The following BCL11B variants were observed in gnomAD, a reference collection of about 807,000 sequenced individuals.
BCL11B encodes the protein B-cell lymphoma/leukemia 11B.
In BCL11B, 8 loss-of-function variants were observed where a neutral mutation model predicts 49.9. That is an observed-to-expected ratio of 0.16 (90% CI 0.09 to 0.29). The LOEUF is 0.29. Ranked by LOEUF, BCL11B falls within the 10% of genes least tolerant of loss-of-function variation. BCL11B has a pLI of 1.00. For synonymous variants in BCL11B, 739 were observed against 637.4 expected, an observed-to-expected ratio of 1.16 and a Z score of -2.40; for missense variants, 1,006 against 1,351.0, an observed-to-expected ratio of 0.74 and a Z score of 4.00.
chr14:99,190,184 A>G (rs1348005443), intron 3 of BCL11B, among the ~76,000 whole-genome samples: 1 of 150,822 alleles, frequency 6.6e-6, no homozygotes, highest in Non-Finnish European at 1.5e-5. Flanking sequence ...GTTACAGCAT[A>G]TGTCTTTAAA....
chr14:99,235,732 T>C (rs1888477994), intron 2 of BCL11B, among the ~76,000 whole-genome samples: 1 of 151,870 alleles, frequency 6.6e-6, no homozygotes, highest in Non-Finnish European at 1.5e-5. Context: ...GAGGTGGCGC[T>C]GGTGGACGCT....
At chr14:99,201,585 T>C (rs759198766) in intron 3 of BCL11B, among the ~76,000 whole-genome samples, 8 of 152,156 alleles carry the variant, frequency 5.3e-5, no homozygotes, top group Non-Finnish European at 1.2e-4. Flanking sequence ...TGGCCCTGTG[T>C]TCACCCTGTT....
At position 99,220,944 on chromosome 14, in the gene BCL11B, G is replaced by A. The variant is rs578209076; in HGVS notation, c.640+10401C>T. ...CGGCTCACTGCAACCTCCACCTCCC[G>A]GGTTCAAGCGATTCTCCTGCCTCAG... On this transcript the variant is annotated intron_variant, in intron 3 of 3. Transcript: ENST00000357195. 3.9e-5 allele frequency among the ~76,000 whole-genome samples: 6 copies of A among 152,090 alleles called. No individual in the cohort carries two copies. The South Asian group carries it at 8.3e-4, about 21-fold the overall frequency.
chr14:99,199,683 TGCGCGC>T lies in BCL11B; in HGVS notation c.641-23494_641-23489del, dbSNP rs1555378683. On this transcript the variant is annotated intron_variant, in intron 3 of 3. Coordinates refer to ENST00000357195, the MANE Select transcript of BCL11B (RefSeq NM_138576.4). ...GTGTGTGTGTGTGTGTGTGTGTGTG[TGCGCGC>T]GCGCGCGCACGTGCACGTGTGTGCG... Among the ~76,000 whole-genome samples the T allele has an allele frequency of 8.1e-5, 6 of 73,742 alleles. No homozygotes were observed. The East Asian group carries it at 1.3e-3, about 15-fold the overall frequency. 48.4% of individuals were successfully genotyped at this position (73,742 alleles called of 152,430 possible).
At chr14:99,264,334 G>A (rs1889421004) in intron 1 of BCL11B, 1 of 151,682 alleles carries the variant, frequency 6.6e-6, no homozygotes, top group Non-Finnish European at 1.5e-5. Context: ...CATTTCTGAG[G>A]CACATGTTAA....
rs931674817 is a variant in BCL11B at position 99,242,302 on chromosome 14, C to A, written c.428-10745G>T. ...TGATCTTGTCCCCCTGCTTCCCTAC[C>A]TTTTCTCGCAAACCATGTGGGCTGG... On this transcript the variant is annotated intron_variant, in intron 2 of 3. Coordinates refer to ENST00000357195, the MANE Select transcript of BCL11B (RefSeq NM_138576.4). This position sits in a 1 kb window ranked among gnomAD's most constrained non-coding sequence, Gnocchi z 4.4. Among the ~76,000 whole-genome samples, 2 of 152,172 alleles carry A rather than the reference C, an allele frequency of 1.3e-5. No individual in the cohort carries two copies. Among genetic ancestry groups the A allele is most frequent in the Admixed American group, 6.5e-5 (1 of 15,282 alleles).
In BCL11B at chr14:99,179,473, T is replaced by TAA. The variant is rs35703913; in HGVS notation, c.641-3280_641-3279dup. ...TGGGCGACAGAATGAGAATCCATCTTAAAAAAAAAAAAAAAAAAAAAAAAA... is the reference window on the plus strand; with the variant it reads ...TGGGCGACAGAATGAGAATCCATCTTAAAAAAAAAAAAAAAAAAAAAAAAAAA... On this transcript the variant is annotated intron_variant, in intron 3 of 3. Transcript: ENST00000357195. Among the ~76,000 whole-genome samples, 360 of 54,550 alleles carry TAA rather than the reference T, an allele frequency of 6.6e-3. 18 individuals are homozygous for TAA. The highest frequency in any genetic ancestry group is 0.034 in the Middle Eastern group (2 of 58). The allele number at this position is 54,550 out of a possible 152,430, so 35.8% of individuals were successfully genotyped here.
intron 2 of BCL11B, among the ~76,000 whole-genome samples, chr14:99,255,189 G>C (rs781603209): frequency 9.9e-5 from 15 of 152,158 alleles, no homozygotes; most frequent in Non-Finnish European, 1.9e-4. Flanking sequence ...GTCGTCTTCA[G>C]CTGACACAGC....
At chr14:99,191,462 AG>A (rs535882845) in intron 3 of BCL11B, among the ~76,000 whole-genome samples, 9 of 152,056 alleles carry the variant, frequency 5.9e-5, no homozygotes, top group Admixed American at 3.9e-4. Context: ...TGGGAAAGGG[AG>A]AAAGAGGTGG....
At chr14:99,252,364 G>A (rs1184961957) in intron 2 of BCL11B, among the ~76,000 whole-genome samples, 2 of 152,188 alleles carry the variant, frequency 1.3e-5, no homozygotes, top group African/African-American at 4.8e-5. Flanking sequence ...GCACAAGCAA[G>A]TTATTTAGTT....
At chr14:99,251,864 C>T (rs1889018325) in intron 2 of BCL11B, among the ~76,000 whole-genome samples, 1 of 152,224 alleles carries the variant, frequency 6.6e-6, no homozygotes, top group Admixed American at 6.5e-5. Flanking sequence ...CCAAAATCCT[C>T]CACACCCCTT....
chr14:99,177,113 G>A (rs1427207034), intron 3 of BCL11B, among the ~76,000 whole-genome samples: 2 of 151,938 alleles, frequency 1.3e-5, no homozygotes, highest in African/African-American at 2.4e-5. Flanking sequence ...CCCCCACCCC[G>A]TGTCCTCACA....
rs1215935378 is a variant in BCL11B, at chr14:99,195,513, C to T, written c.641-19318G>A. Among the ~76,000 whole-genome samples the T allele has an allele frequency of 6.6e-6, 1 of 152,112 alleles. No individual in the cohort carries two copies. The highest frequency in any genetic ancestry group is 6.5e-5 in the Admixed American group (1 of 15,284). Reference sequence around the variant, plus strand: ...TTGCACCCCCAAAACAATGGCTGGCCCTTGCTGAGCACTTGCTGAGTGCCT... The same window carrying T: ...TTGCACCCCCAAAACAATGGCTGGCTCTTGCTGAGCACTTGCTGAGTGCCT... On this transcript the variant is annotated intron_variant, in intron 3 of 3. Transcript: ENST00000357195. This position sits in a 1 kb window ranked among gnomAD's most constrained non-coding sequence, Gnocchi z 4.7.
chr14:99,267,414 G>A (rs1208120033), intron 1 of BCL11B, among the ~76,000 whole-genome samples: 1 of 152,096 alleles, frequency 6.6e-6, no homozygotes, highest in Admixed American at 6.5e-5. Flanking sequence ...AATTACAAAT[G>A]AATAAAATCA....
chr14:99,243,901 C>A (rs1032838286), intron 2 of BCL11B, among the ~76,000 whole-genome samples: 20 of 133,646 alleles, frequency 1.5e-4, no homozygotes, highest in African/African-American at 5.6e-4. Flanking sequence ...CCAGGCAAAT[C>A]TCCCACACAT....
chr14:99,271,214 G>T lies in BCL11B; in HGVS notation c.5C>A (p.Ser2Tyr). 6.5e-7 allele frequency: 1 copy of T among 1,531,682 alleles called. No individual in the cohort carries two copies. Among genetic ancestry groups the T allele is most frequent in the Admixed American group, 2.0e-5 (1 of 50,194 alleles). The allele number at this position is 1,531,682 out of a possible 1,614,324, so 94.9% of individuals were successfully genotyped here. A position where few individuals can be genotyped will look rare whatever the true frequency, so the allele number is the denominator to read the frequency against. The change falls in exon 1 of 4, where the codon TCC becomes TAC. Residue 2 changes from serine (S) to tyrosine (Y), a missense_variant. This residue lies in a region of BCL11B where 411 missense variants were observed against 542.2 expected (regional missense o/e 0.76). Coordinates refer to ENST00000357195, the MANE Select transcript of BCL11B (RefSeq NM_138576.4). M[S>Y]RRKQGNPQHL... is the part of the protein sequence containing the mutation. ...CTGCGGGTTGCCCTGTTTGCGGCGG[G>T]ACATTGCCCCGGCATCTATTCTGGC... is the stretch of plus-strand genomic sequence containing the variant.
At position 99,175,318 on chromosome 14, in the gene BCL11B, C is replaced by T. The variant is rs774412075; in HGVS notation, c.1518G>A (p.Ala506=). 295 of 1,544,552 alleles carry T rather than the reference C, an allele frequency of 1.9e-4. No homozygotes were observed. Among genetic ancestry groups the T allele is most frequent in the Non-Finnish European group, 2.4e-4 (275 of 1,150,422 alleles). Residue 506 remains alanine (A), a synonymous_variant, in exon 4 of 4, where the codon GCG becomes GCA. Transcript: ENST00000357195. ...CGTCGGCCGCCTTGAGGCCCTCGCCCGCCAGCTCGCTGGTGCCGGGCTCGG... is the reference window on the plus strand; with the variant it reads ...CGTCGGCCGCCTTGAGGCCCTCGCCTGCCAGCTCGCTGGTGCCGGGCTCGG... ...SSPEPGTSEL[A]GEGLKAADGD...
At chr14:99,202,579 G>GGCAACGCAAT (rs1178030886) in intron 3 of BCL11B, among the ~76,000 whole-genome samples, 2 of 152,230 alleles carry the variant, frequency 1.3e-5, no homozygotes, top group Non-Finnish European at 2.9e-5. Context: ...GGCAACGCAA[G>GGCAACGCAAT]GAGTGCCCTG....
At position 99,174,700 on chromosome 14, in the gene BCL11B, C is replaced by A; in HGVS notation, c.2136G>T (p.Leu712=). ...AGTGCCGCGACGCCGCGTAGCCCAC[C>A]AGCCACTGCGAGTACACGTTCTCGG... ...IPSENVYSQW[L]VGYAASRHFM... Residue 712 remains leucine, a synonymous_variant, in exon 4 of 4, where the codon CTG becomes CTT. Transcript: ENST00000357195. The A allele has an allele frequency of 6.4e-7, 1 of 1,571,392 alleles. No homozygotes were observed. The highest frequency in any genetic ancestry group is 1.1e-5 in the South Asian group (1 of 87,546).
Sources: allele counts gnomAD v4.1 joint callset (sites outside exome capture counted in the v4.1 genomes callset), GRCh38; gene constraint gnomAD v4.1.1; regional missense constraint gnomAD v4.1.1; non-coding constraint Gnocchi (gnomAD v3.1); transcripts MANE v1.5; gene names NCBI Gene and HGNC (gene_info 2026-07-23, HGNC 2026-07-21).